TSPAN18: variants seen among roughly 807,000 people sequenced by gnomAD.
TSPAN18 encodes tetraspanin 18.
In TSPAN18, 14 loss-of-function variants were observed where a neutral mutation model predicts 27.3. The ratio of observed to expected loss-of-function variants is 0.51; its 90% CI spans 0.34 to 0.80. TSPAN18 has a LOEUF of 0.80. TSPAN18 is among the 30% of genes least tolerant of loss of function. The probability of loss-of-function intolerance (pLI) is 0.01; values close to 1 mark genes in which losing one functional copy is unlikely to be tolerated. For missense variants in TSPAN18, 268 were observed against 323.9 expected (o/e 0.83, Z 1.32); for synonymous variants, 143 against 136.5 (o/e 1.05, Z -0.33).
chr11:44,747,472 G>A (rs767640072), intron 1 of TSPAN18, among the ~76,000 whole-genome samples: 46 of 152,300 alleles, frequency 3.0e-4, no homozygotes, highest in Non-Finnish European at 5.6e-4. Flanking sequence ...GGGACTGTTT[G>A]TACTGAGCCT....
At chr11:44,815,255 C>T (rs925508495) in intron 2 of TSPAN18, among the ~76,000 whole-genome samples, 6 of 152,220 alleles carry the variant, frequency 3.9e-5, no homozygotes, top group Admixed American at 2.0e-4. Context: ...CTAGAGTGAT[C>T]CACGGGCTGG....
rs769890107 is a variant in TSPAN18, at chr11:44,909,684, C to T, written c.64-21C>T. 5.4e-5 allele frequency: 86 copies of T among 1,599,064 alleles called. 6 individuals carry two copies. In the South Asian group the frequency reaches 8.7e-4, roughly 16 times the overall value. On this transcript the variant is annotated intron_variant, in intron 4 of 9. Transcript: ENST00000520358. ...CCTTTCTGCCTGTTTCTCCTCCCAACTCCTCCACTGGCCCGAGCAGCTGGG... is the reference window on the plus strand; with the variant it reads ...CCTTTCTGCCTGTTTCTCCTCCCAATTCCTCCACTGGCCCGAGCAGCTGGG...
chr11:44,916,533 C>T (rs1021480568), intron 5 of TSPAN18, among the ~76,000 whole-genome samples: 2 of 152,172 alleles, frequency 1.3e-5, no homozygotes, highest in Non-Finnish European at 2.9e-5. Flanking sequence ...GAAATGCTTT[C>T]ACATGCCTCG....
chr11:44,796,988 G>A (rs919659378), intron 2 of TSPAN18, among the ~76,000 whole-genome samples: 16 of 152,158 alleles, frequency 1.1e-4, no homozygotes, highest in Admixed American at 3.9e-4. Flanking sequence ...CTGACTCTGA[G>A]TAGCATCCTC....
chr11:44,842,070 C>T (rs1857385513), intron 2 of TSPAN18, among the ~76,000 whole-genome samples: 2 of 152,192 alleles, frequency 1.3e-5, no homozygotes, highest in African/African-American at 2.4e-5. Context: ...TCACATAACA[C>T]ATCAGGGCAA....
intron 4 of TSPAN18, among the ~76,000 whole-genome samples, chr11:44,907,619 A>G (rs764247356): frequency 4.6e-5 from 7 of 152,198 alleles, no homozygotes; most frequent in Non-Finnish European, 1.0e-4. Flanking sequence ...GAGCCAGCTC[A>G]TCCTTCCTCC....
chr11:44,902,564 A>G (rs1859301074), intron 3 of TSPAN18, among the ~76,000 whole-genome samples: 1 of 152,246 alleles, frequency 6.6e-6, no homozygotes, highest in East Asian at 1.9e-4. Flanking sequence ...ATGCACTGGC[A>G]TGAACCAACC....
At chr11:44,877,644 A>G (rs1022335593) in intron 3 of TSPAN18, among the ~76,000 whole-genome samples, 1 of 152,148 alleles carries the variant, frequency 6.6e-6, no homozygotes, top group African/African-American at 2.4e-5. Context: ...CAGCCAGGTT[A>G]TGGTGACCAC....
intron 2 of TSPAN18, among the ~76,000 whole-genome samples, chr11:44,816,109 T>A (rs1420469695): frequency 6.6e-6 from 1 of 152,238 alleles, no homozygotes; most frequent in Non-Finnish European, 1.5e-5. Context: ...TAAACAAGAC[T>A]GCTGGACTGG....
At chr11:44,876,067 C>T (rs149705346) in intron 3 of TSPAN18, among the ~76,000 whole-genome samples, 2,330 of 152,200 alleles carry the variant, frequency 0.015, 69 homozygotes, top group African/African-American at 0.054. Flanking sequence ...GCTGGGGGTA[C>T]CACTCAGACA....
rs57394106 is a variant in TSPAN18, at chr11:44,924,097, T to TTGTGTGTGTGTGTGTG, written c.616-2558_616-2543dup. 3.0e-3 allele frequency among the ~76,000 whole-genome samples: 444 copies of TTGTGTGTGTGTGTGTG among 145,866 alleles called. 3 individuals carry two copies. Among genetic ancestry groups the TTGTGTGTGTGTGTGTG allele is most frequent in the East Asian group, 8.6e-3 (42 of 4,904 alleles). ...CTGCTTCTCCTGTCCCCTTCTGGGG[T>TTGTGTGTGTGTGTGTG]TGTGTGTGTGTGTGTGTGTGTGTGT... On this transcript the variant is annotated intron_variant, in intron 8 of 9. Coordinates refer to ENST00000520358, the MANE Select transcript of TSPAN18 (RefSeq NM_130783.5).
chr11:44,832,171 A>G (rs1857168455), intron 2 of TSPAN18, among the ~76,000 whole-genome samples: 1 of 152,172 alleles, frequency 6.6e-6, no homozygotes, highest in African/African-American at 2.4e-5. Context: ...AGAGGAGGCG[A>G]CATCGCTCGA....
intron 2 of TSPAN18, among the ~76,000 whole-genome samples, chr11:44,844,817 T>C (rs1202070799): frequency 6.6e-6 from 1 of 152,186 alleles, no homozygotes; most frequent in Non-Finnish European, 1.5e-5. Context: ...CAGGAATCAT[T>C]TGAGAAGAAA....
chr11:44,755,018 A>T (rs1855299743), intron 1 of TSPAN18, among the ~76,000 whole-genome samples: 1 of 152,202 alleles, frequency 6.6e-6, no homozygotes, highest in Admixed American at 6.5e-5. Context: ...TGCTGTCTGC[A>T]GAAAAGCCCC....
intron 3 of TSPAN18, among the ~76,000 whole-genome samples, chr11:44,861,388 G>A (rs1180717478): frequency 6.7e-6 from 1 of 149,586 alleles, no homozygotes; most frequent in Non-Finnish European, 1.5e-5. Flanking sequence ...AGTCGGTGCG[G>A]GGGTTGGTGG....
rs1860047088 is a variant in TSPAN18, at chr11:44,919,594, G to T, written c.433-223G>T. 3 of 613,292 alleles carry T rather than the reference G, an allele frequency of 4.9e-6. No homozygotes were observed. The East Asian group carries it at 8.2e-5, about 17-fold the overall frequency. The allele number at this position is 613,292 out of a possible 1,614,324, so 38.0% of individuals were successfully genotyped here. A position where few individuals can be genotyped will look rare whatever the true frequency, so the allele number is the denominator to read the frequency against. On this transcript the variant is annotated intron_variant, in intron 7 of 9. Transcript: ENST00000520358. ...CTGTTTATGGATGGCTAAGCGCCTG[G>T]TGAGGTAGGAATTGTTACTGCCACC... is the stretch of plus-strand genomic sequence containing the variant.
intron 3 of TSPAN18, among the ~76,000 whole-genome samples, chr11:44,867,613 G>A (rs1300081098): frequency 1.3e-5 from 2 of 151,942 alleles, no homozygotes; most frequent in African/African-American, 4.8e-5. Context: ...TGACCAGGGT[G>A]GTCTCAAACT....
At chr11:44,754,100 T>A (rs927336357) in intron 1 of TSPAN18, among the ~76,000 whole-genome samples, 11 of 152,176 alleles carry the variant, frequency 7.2e-5, no homozygotes, top group Non-Finnish European at 1.2e-4. Context: ...TCTGGTTCCA[T>A]GTGCTGGGAA....
chr11:44,749,705 C>T lies in TSPAN18; in HGVS notation c.-239-14721C>T, dbSNP rs577304869. Among the ~76,000 whole-genome samples, 8 of 144,268 alleles carry T rather than the reference C, an allele frequency of 5.5e-5. No individual in the cohort carries two copies. In the East Asian group the frequency reaches 1.2e-3, roughly 21 times the overall value. The allele number at this position is 144,268 out of a possible 152,430, so 94.6% of individuals were successfully genotyped here. On this transcript the variant is annotated intron_variant, in intron 1 of 9. Coordinates refer to ENST00000520358, the MANE Select transcript of TSPAN18 (RefSeq NM_130783.5). ...AGGCTGGAGTGCAGTGGCGCGATCT[C>T]GGCTCACTGCAAACTCTGCCTCCCG...
Sources: gnomAD v4.1 joint callset for allele counts (sites outside exome capture counted in the v4.1 genomes callset) on GRCh38, gnomAD v4.1.1 for gene constraint, MANE v1.5 for transcripts, NCBI Gene and HGNC (gene_info 2026-07-23, HGNC 2026-07-21) for gene names.